OSBPL2: variants seen among roughly 807,000 people sequenced by gnomAD.
OSBPL2 encodes the protein oxysterol-binding protein-related protein 2.
In OSBPL2, 18 loss-of-function variants were observed where a neutral mutation model predicts 58.4. The ratio of observed to expected loss-of-function variants is 0.31; its 90% confidence interval spans 0.21 to 0.46. The LOEUF is 0.46. Ranked by LOEUF, OSBPL2 falls within the 20% of genes least tolerant of loss-of-function variation. The pLI, the probability that OSBPL2 is intolerant of heterozygous loss-of-function variation, is 1.00. For synonymous variants in OSBPL2, 221 were observed against 234.1 expected (o/e 0.94, Z 0.51); for missense variants, 461 against 616.5 (o/e 0.75, Z 2.67).
At chr20:62,247,825 C>T (rs954540418) in intron 1 of OSBPL2, among the ~76,000 whole-genome samples, 1 of 151,920 alleles carries the variant, frequency 6.6e-6, no homozygotes, top group African/African-American at 2.4e-5. Context: ...CCACCATGTC[C>T]GGCTAATTTT....
At chr20:62,272,358 C>A in intron 5 of OSBPL2, 99 bp downstream of exon 5, 2 of 1,312,778 alleles carry the variant, frequency 1.5e-6, no homozygotes, top group South Asian at 2.6e-5. Flanking sequence ...TGTGAGGACT[C>A]GCACAGCTCC....
At chr20:62,244,240 C>T (rs184407580) in intron 1 of OSBPL2, among the ~76,000 whole-genome samples, 37 of 152,358 alleles carry the variant, frequency 2.4e-4, no homozygotes, top group African/African-American at 7.2e-4. Context: ...TCCCTCACCG[C>T]GTCCTCCGCC....
At chr20:62,268,114 G>A (rs1362639936) in intron 4 of OSBPL2, among the ~76,000 whole-genome samples, 1 of 147,786 alleles carries the variant, frequency 6.8e-6, no homozygotes, top group Non-Finnish European at 1.5e-5. Context: ...GGCCAGGCTG[G>A]TCTCAAACTC....
intron 3 of OSBPL2, among the ~76,000 whole-genome samples, chr20:62,262,324 T>G (rs1288341347): frequency 6.6e-6 from 1 of 152,204 alleles, no homozygotes; most frequent in Admixed American, 6.5e-5. Flanking sequence ...AGGGGCCTCT[T>G]TCAGGTCCTC....
chr20:62,272,537 G>A (rs1482321599), intron 5 of OSBPL2, among the ~76,000 whole-genome samples: 1 of 152,228 alleles, frequency 6.6e-6, no homozygotes, highest in Non-Finnish European at 1.5e-5. Flanking sequence ...GAAGGTGGCG[G>A]TGGGCTCTGC....
chr20:62,263,006 C>T (rs1228179883), intron 3 of OSBPL2, among the ~76,000 whole-genome samples: 1 of 152,198 alleles, frequency 6.6e-6, no homozygotes, highest in Non-Finnish European at 1.5e-5. Context: ...GACAGTATCT[C>T]ATTCCAGCTC....
At chr20:62,275,629 G>A (rs1194578186) in intron 6 of OSBPL2, among the ~76,000 whole-genome samples, 1 of 152,058 alleles carries the variant, frequency 6.6e-6, no homozygotes, top group Non-Finnish European at 1.5e-5. Context: ...TGTATTTTCA[G>A]TAGAGACAGG....
intron 6 of OSBPL2, among the ~76,000 whole-genome samples, chr20:62,274,486 A>C (rs1459520563): frequency 6.6e-6 from 1 of 152,162 alleles, no homozygotes; most frequent in African/African-American, 2.4e-5. Flanking sequence ...ATGTGTAGGG[A>C]GAGTCAGCAG....
At chr20:62,243,074 A>G (rs1979838344) in intron 1 of OSBPL2, among the ~76,000 whole-genome samples, 1 of 152,190 alleles carries the variant, frequency 6.6e-6, no homozygotes, top group African/African-American at 2.4e-5. Flanking sequence ...CCAGAGAGCA[A>G]CTTCCATTAT....
rs549984686 is a variant in OSBPL2, at chr20:62,266,669, C to A, written c.258+2978C>A. Among the ~76,000 whole-genome samples the A allele has an allele frequency of 1.4e-3, 207 of 152,328 alleles. 1 individual carries two copies. Among genetic ancestry groups the A allele is most frequent in the Admixed American group, 3.1e-3 (48 of 15,294 alleles). On this transcript the variant is annotated intron_variant, in intron 4 of 13. Coordinates refer to ENST00000313733, the MANE Select transcript of OSBPL2 (RefSeq NM_144498.4). ...GCTCTTTCTGTTTGGTCCACACCCC[C>A]CACTTCTCTCCTCCCTCGTATTTTG...
chr20:62,282,393 G>A (rs1021230118), intron 9 of OSBPL2, among the ~76,000 whole-genome samples: 4 of 152,098 alleles, frequency 2.6e-5, no homozygotes, highest in Non-Finnish European at 5.9e-5. Flanking sequence ...AAATTTTTCA[G>A]TTTTTTTCTC....
intron 2 of OSBPL2, among the ~76,000 whole-genome samples, chr20:62,259,489 C>T (rs998888895): frequency 5.3e-5 from 8 of 152,146 alleles, no homozygotes; most frequent in Non-Finnish European, 1.0e-4. Context: ...TATCTGGGTA[C>T]AGTTTAGTGG....
At chr20:62,280,959 G>T in intron 7 of OSBPL2, 99 bp from the exon 8 acceptor site, 2 of 863,980 alleles carry the variant, frequency 2.3e-6, no homozygotes, top group Non-Finnish European at 3.9e-6. Flanking sequence ...CGCGGGTGCC[G>T]GTTGCTGTGA....
At chr20:62,245,445 C>T (rs1019370939) in intron 1 of OSBPL2, among the ~76,000 whole-genome samples, 8 of 152,168 alleles carry the variant, frequency 5.3e-5, no homozygotes, top group Non-Finnish European at 1.2e-4. Context: ...TGTTAGGGAG[C>T]TGGTTTGTGA....
rs1981197966 is a variant in OSBPL2, at chr20:62,260,073, A to T, written c.130A>T (p.Ile44Phe). The T allele has an allele frequency of 6.2e-7, 1 of 1,613,904 alleles. No homozygotes were observed. ...CTTAGACACCAGCAAAAATAATAGG[A>T]TTGGGAAAACTGGGGAGAGGCCCTC... The part of the protein sequence containing the change: ...IDLDTSKNNR[I>F]GKTGERPSQE... Residue 44 changes from isoleucine (I) to phenylalanine (F), a missense_variant, in exon 3 of 14, where the codon ATT (isoleucine) becomes TTT (phenylalanine). By Grantham distance (21) the Ile-to-Phe change is conservative. Transcript: ENST00000313733.
At chr20:62,286,448 TG>T in intron 10 of OSBPL2, 134 bp from the exon 11 acceptor site, 1 of 931,662 alleles carries the variant, frequency 1.1e-6, no homozygotes, top group Non-Finnish European at 1.6e-6. Context: ...AGACTCCGTC[TG>T]AAAAAAAAAA....
chr20:62,262,332 CTCGGGTG>C (rs1327483859), intron 3 of OSBPL2, among the ~76,000 whole-genome samples: 1 of 152,224 alleles, frequency 6.6e-6, no homozygotes, highest in Admixed American at 6.5e-5. Context: ...CTTTCAGGTC[CTCGGGTG>C]TGTCAGCTCC....
chr20:62,266,260 A>G (rs897781671), intron 4 of OSBPL2, among the ~76,000 whole-genome samples: 18 of 152,234 alleles, frequency 1.2e-4, no homozygotes, highest in African/African-American at 4.3e-4. Flanking sequence ...ACTGGCAAGC[A>G]TAGTAGAAAG....
At chr20:62,291,592 T>C in intron 12 of OSBPL2, 111 bp from the exon 13 acceptor site, 1 of 908,300 alleles carries the variant, frequency 1.1e-6, no homozygotes, top group Non-Finnish European at 1.8e-6. Context: ...CTGTTGTCTG[T>C]GGCATTCCAG....
Sources: gnomAD v4.1 joint callset for allele counts (sites outside exome capture counted in the v4.1 genomes callset) on GRCh38, gnomAD v4.1.1 for gene constraint, MANE v1.5 for transcripts, NCBI Gene and HGNC (gene_info 2026-07-23, HGNC 2026-07-21) for gene names.